MOK: variants seen among roughly 807,000 people sequenced by gnomAD.
MOK encodes the protein MAPK/MAK/MRK overlapping kinase.
Under a neutral mutation model 54.2 loss-of-function variants are expected in MOK, and 59 were observed. The observed-to-expected ratio is 1.09, with a 90% confidence interval of 0.88 to 1.35. MOK has a LOEUF of 1.35. Among genes scored for constraint, MOK ranks in the 40% most tolerant of loss-of-function variants. The pLI, the probability that MOK is intolerant of heterozygous loss-of-function variation, is 0.00. For synonymous variants in MOK, 210 were observed against 202.7 expected, an observed-to-expected ratio of 1.04 and a Z score of -0.31; for missense variants, 517 against 526.2, an observed-to-expected ratio of 0.98 and a Z score of 0.17.
chr14:102,221,292 G>A (rs150429009), downstream of MOK, among the ~76,000 whole-genome samples: 70 of 152,362 alleles, frequency 4.6e-4, no homozygotes, highest in Non-Finnish European at 8.7e-4. The surrounding 1 kb of genome is among the most constrained non-coding windows in gnomAD (Gnocchi z 4.8). Context: ...GTTGCCGGGG[G>A]GAAGGGAGGT....
intron 1 of MOK, among the ~76,000 whole-genome samples, chr14:102,285,622 C>A (rs1214332032): frequency 6.6e-6 from 1 of 152,046 alleles, no homozygotes; most frequent in African/African-American, 2.4e-5. Context: ...TATCCCTGGC[C>A]GGCTCACACC....
At chr14:102,297,601 C>G (rs1376297808) in intron 1 of MOK, among the ~76,000 whole-genome samples, 1 of 152,218 alleles carries the variant, frequency 6.6e-6, no homozygotes, top group African/African-American at 2.4e-5. Flanking sequence ...ACTGTGGGAG[C>G]CCCTCCCTGG....
chr14:102,217,329 TC>T, the MOK span, among the ~76,000 whole-genome samples: 3 of 152,202 alleles, frequency 2.0e-5, no homozygotes, highest in Non-Finnish European at 2.9e-5. Flanking sequence ...ATGCTTTTCT[TC>T]CACCTTCAGA....
chr14:102,281,945 G>A (rs976648759), intron 2 of MOK, among the ~76,000 whole-genome samples: 2 of 152,216 alleles, frequency 1.3e-5, no homozygotes, highest in Non-Finnish European at 2.9e-5. Flanking sequence ...ACTACCGTAT[G>A]CATTGGGCAG....
chr14:102,249,225 T>C lies in MOK; in HGVS notation c.590+1587A>G, dbSNP rs761992017. 6.6e-6 allele frequency among the ~76,000 whole-genome samples: 1 copy of C among 152,204 alleles called. No homozygotes were observed. Among genetic ancestry groups the C allele is most frequent in the Non-Finnish European group, 1.5e-5 (1 of 68,034 alleles). On this transcript the variant is annotated intron_variant, in intron 7 of 11. Transcript: ENST00000361847. The surrounding 1 kb of genome is among the most constrained non-coding windows in gnomAD (Gnocchi z 5.3). Reference sequence around the variant, plus strand: ...TCCACATTCCGTCATCTGTTCAGCATGATGTCTGTGGTGAAATGTGACTAA... The same window carrying C: ...TCCACATTCCGTCATCTGTTCAGCACGATGTCTGTGGTGAAATGTGACTAA...
chr14:102,282,130 G>C (rs914205477), intron 2 of MOK, among the ~76,000 whole-genome samples: 1 of 152,144 alleles, frequency 6.6e-6, no homozygotes, highest in Non-Finnish European at 1.5e-5. Flanking sequence ...TTCTTGGCCA[G>C]GTGTGGTGGC....
intron 7 of MOK, among the ~76,000 whole-genome samples, chr14:102,237,462 C>T (rs1429130890): frequency 6.6e-6 from 1 of 152,180 alleles, no homozygotes; most frequent in Non-Finnish European, 1.5e-5. Context: ...CCTCCAAAAG[C>T]GAAGTTCTTT....
At chr14:102,291,693 A>G (rs1555433532) in intron 1 of MOK, among the ~76,000 whole-genome samples, 1 of 152,302 alleles carries the variant, frequency 6.6e-6, no homozygotes, top group Non-Finnish European at 1.5e-5. Context: ...GCGGTGGCTC[A>G]CACCTGTAAT....
intron 4 of MOK, among the ~76,000 whole-genome samples, chr14:102,257,801 AC>A (rs2067089014): frequency 6.6e-6 from 1 of 152,012 alleles, no homozygotes; most frequent in African/African-American, 2.4e-5. Flanking sequence ...ACATGGTGAA[AC>A]CCCGTCTCTA....
downstream of MOK, chr14:102,226,270 T>TG (rs1395966908): frequency 2.9e-6 from 2 of 690,282 alleles, no homozygotes; most frequent in Non-Finnish European, 5.3e-6. The surrounding 1 kb of genome is among the most constrained non-coding windows in gnomAD (Gnocchi z 4.8). Flanking sequence ...GTGAGGTGGG[T>TG]GGATGAGGGT....
At chr14:102,226,087 G>A (rs1402068536), downstream of MOK, 7 of 555,004 alleles carry the variant, frequency 1.3e-5, no homozygotes, top group East Asian at 3.1e-5. The surrounding 1 kb of genome is among the most constrained non-coding windows in gnomAD (Gnocchi z 4.8). Context: ...GGGAGGTCAC[G>A]GTCGCACTGC....
At chr14:102,257,991 A>AG (rs1400419613) in intron 4 of MOK, among the ~76,000 whole-genome samples, 1 of 151,034 alleles carries the variant, frequency 6.6e-6, no homozygotes, top group African/African-American at 2.5e-5. Context: ...AAAAAAAAAA[A>AG]GAATACCTGT....
chr14:102,228,386 G>A (rs2064336747), downstream of MOK, among the ~76,000 whole-genome samples: 1 of 152,186 alleles, frequency 6.6e-6, no homozygotes, highest in Non-Finnish European at 1.5e-5. Context: ...TTTCTGAATG[G>A]TTCTTCAAAT....
intron 7 of MOK, among the ~76,000 whole-genome samples, chr14:102,248,119 G>A (rs964648647): frequency 1.3e-5 from 2 of 152,146 alleles, no homozygotes; most frequent in East Asian, 1.9e-4. Flanking sequence ...AGACGCCAAC[G>A]GCGCCCCTCT....
At chr14:102,294,315 GGGCA>G (rs1162450289) in intron 1 of MOK, among the ~76,000 whole-genome samples, 10 of 151,940 alleles carry the variant, frequency 6.6e-5, no homozygotes, top group African/African-American at 2.2e-4. Flanking sequence ...GCGTGGTGGT[GGGCA>G]CGTGTAGTCC....
chr14:102,290,473 A>G (rs1306270720), intron 1 of MOK, among the ~76,000 whole-genome samples: 2 of 152,098 alleles, frequency 1.3e-5, no homozygotes, highest in Non-Finnish European at 2.9e-5. Flanking sequence ...CAAACAAAAA[A>G]AATAGTAAAA....
chr14:102,279,806 C>T (rs750553608), intron 2 of MOK, among the ~76,000 whole-genome samples: 2 of 152,112 alleles, frequency 1.3e-5, no homozygotes, highest in Non-Finnish European at 2.9e-5. Context: ...TGCCACAGTA[C>T]TAATCCATTA....
rs549733951 is a variant in MOK at position 102,236,600 on chromosome 14, C to T, written c.591-2811G>A. Among the ~76,000 whole-genome samples, 2 of 152,278 alleles carry T rather than the reference C, an allele frequency of 1.3e-5. No homozygotes were observed. The highest frequency in any genetic ancestry group is 2.1e-4 in the South Asian group (1 of 4,824). ...CCTCCCTCAACCGGAGTCCCTCCTA[C>T]TCCTCTATGCGAGTCCAGCCCCTGA... is the stretch of plus-strand genomic sequence containing the variant. On this transcript the variant is annotated intron_variant, in intron 7 of 11. Coordinates refer to ENST00000361847, the MANE Select transcript of MOK (RefSeq NM_014226.3). This position sits in a 1 kb window ranked among gnomAD's most constrained non-coding sequence, Gnocchi z 4.5.
At chr14:102,255,205 C>T (rs1278515916) in intron 4 of MOK, among the ~76,000 whole-genome samples, 1 of 152,118 alleles carries the variant, frequency 6.6e-6, no homozygotes, top group African/African-American at 2.4e-5. Flanking sequence ...TCAATCCCAG[C>T]TACTTGGGAG....
Sources: allele counts gnomAD v4.1 joint callset (sites outside exome capture counted in the v4.1 genomes callset), GRCh38; gene constraint gnomAD v4.1.1; non-coding constraint Gnocchi (gnomAD v3.1); transcripts MANE v1.5; gene names NCBI Gene and HGNC (gene_info 2026-07-23, HGNC 2026-07-21).